The following EFHC2 variants were observed in gnomAD, a reference collection of about 807,000 sequenced individuals.
EFHC2 encodes the protein EF-hand domain-containing family member C2.
EFHC2 carries 18 observed loss-of-function variants against 52.7 expected under a neutral mutation model. That is an observed-to-expected ratio of 0.34 (90% CI 0.24 to 0.51). The LOEUF (loss-of-function observed/expected upper bound fraction) is 0.51. Among genes scored for constraint, EFHC2 ranks in the 20% least tolerant of loss-of-function variants. EFHC2 has a pLI of 0.97. For missense variants in EFHC2, 513 were observed against 562.5 expected (o/e 0.91, Z 0.89); for synonymous variants, 203 against 204.1 (o/e 0.99, Z 0.04).
At chrX:44,325,398 G>C (rs2038045854) in intron 1 of EFHC2, among the ~76,000 whole-genome samples, 1 of 110,572 alleles carries the variant, frequency 9.0e-6, no homozygotes, top group Non-Finnish European at 1.9e-5. Flanking sequence ...TAGATCCTAG[G>C]TCAGTGCTCC....
chrX:44,227,209 T>C (rs2037240154), intron 11 of EFHC2, among the ~76,000 whole-genome samples: 1 of 110,693 alleles, frequency 9.0e-6, no homozygotes, highest in African/African-American at 3.3e-5. Flanking sequence ...CACACACACA[T>C]ACGCATACAT....
At chrX:44,281,028 TC>T (rs1259156429) in intron 2 of EFHC2, among the ~76,000 whole-genome samples, 1 of 111,226 alleles carries the variant, frequency 9.0e-6, no homozygotes, top group African/African-American at 3.3e-5. Context: ...CAAGTGATTC[TC>T]CTGCCTCAGC....
chrX:44,326,467 C>G (rs1162271200), intron 1 of EFHC2, among the ~76,000 whole-genome samples: 4 of 110,598 alleles, frequency 3.6e-5, no homozygotes, highest in African/African-American at 1.3e-4. Context: ...ATTGTATACA[C>G]ATATGGAAAG....
chrX:44,268,184 CT>C (rs1225087217), intron 3 of EFHC2, among the ~76,000 whole-genome samples: 5 of 111,559 alleles, frequency 4.5e-5, no homozygotes, highest in Non-Finnish European at 5.6e-5. Context: ...TTAAAGTTGT[CT>C]TTTACTCAGG....
intron 11 of EFHC2, among the ~76,000 whole-genome samples, chrX:44,219,145 T>TAAAAAA (rs10669527): frequency 0.027 from 2,149 of 79,229 alleles, 105 homozygotes; most frequent in African/African-American, 0.088. Context: ...CACCTATAGT[T>TAAAAAA]AAAAAAAAAA....
intron 2 of EFHC2, among the ~76,000 whole-genome samples, chrX:44,283,417 C>A (rs937031039): frequency 8.1e-5 from 9 of 111,566 alleles, no homozygotes; most frequent in African/African-American, 2.6e-4. Flanking sequence ...CTCCTGACCT[C>A]GTGATCCGCC....
Position 44,229,652 on chromosome X carries a change from A to T in EFHC2, c.1748T>A (p.Phe583Tyr). Residue 583 changes from phenylalanine to tyrosine, a missense_variant, in exon 11 of 15, where the codon TTC (phenylalanine) becomes TAC (tyrosine). Transcript: ENST00000420999. The stretch of plus-strand genomic sequence containing the variant: ...TTGTTAGCAGAATATGGCTTACCTG[A>T]ATGTATTATAATCCACCATATTTGT... ...KHTNMVDYNT[F>Y]RDILMSLTVG... 8.3e-7 allele frequency: 1 copy of T among 1,210,893 alleles called. No homozygotes were observed. The highest frequency in any genetic ancestry group is 1.1e-6 in the Non-Finnish European group (1 of 895,079).
intron 7 of EFHC2, among the ~76,000 whole-genome samples, chrX:44,245,853 A>G (rs1264835860): frequency 9.0e-6 from 1 of 111,488 alleles, no homozygotes; most frequent in Non-Finnish European, 1.9e-5. Flanking sequence ...TTGGGGTGTC[A>G]TTACACAGGA....
At chrX:44,273,118 T>C (rs778716633) in intron 2 of EFHC2, among the ~76,000 whole-genome samples, 2 of 112,920 alleles carry the variant, frequency 1.8e-5, no homozygotes, top group South Asian at 7.3e-4. Flanking sequence ...AACTAGAGTC[T>C]GCCTTTGGGA....
In EFHC2 at chrX:44,259,962, A is replaced by C. The variant is rs1185658137; in HGVS notation, c.606+1113T>G. ...GCAGGAATAGATGAATGATCCTACA[A>C]GTGGCTTTTAAAAAGAGATCAAAAC... On this transcript the variant is annotated intron_variant, in intron 4 of 14. Transcript: ENST00000420999. Among the ~76,000 whole-genome samples, 3 of 112,001 alleles carry C rather than the reference A, an allele frequency of 2.7e-5. No individual in the cohort carries two copies. In the Admixed American group the frequency reaches 2.9e-4, roughly 11 times the overall value.
intron 11 of EFHC2, among the ~76,000 whole-genome samples, chrX:44,191,388 A>G (rs1163751828): frequency 9.0e-6 from 1 of 110,710 alleles, no homozygotes; most frequent in Non-Finnish European, 1.9e-5. Flanking sequence ...GGCGCCCGCC[A>G]CCACACCCAG....
chrX:44,265,190 T>C (rs1228769444), intron 3 of EFHC2, among the ~76,000 whole-genome samples: 1 of 112,271 alleles, frequency 8.9e-6, no homozygotes, highest in African/African-American at 3.2e-5. Flanking sequence ...CCTTAGATCT[T>C]TGCTCATACC....
At chrX:44,190,300 C>T (rs1429274303) in intron 11 of EFHC2, among the ~76,000 whole-genome samples, 1 of 111,655 alleles carries the variant, frequency 9.0e-6, no homozygotes, top group Non-Finnish European at 1.9e-5. Flanking sequence ...TGGTCTGGCC[C>T]TCTCCAGACA....
In EFHC2 at chrX:44,329,839, C is replaced by T. The variant is rs186178278; in HGVS notation, c.42+13708G>A. On this transcript the variant is annotated intron_variant, in intron 1 of 14. Transcript: ENST00000420999. ...CAGGCTGGTCCTGAACTCCTGGCCT[C>T]AAGCAATCCTCCCACCTCAGCCTCC... Among the ~76,000 whole-genome samples the T allele has an allele frequency of 7.8e-3, 856 of 109,546 alleles. 5 individuals carry two copies. Among genetic ancestry groups the T allele is most frequent in the Non-Finnish European group, 0.012 (654 of 52,685 alleles).
chrX:44,258,058 G>C (rs1422564698), intron 4 of EFHC2, among the ~76,000 whole-genome samples: 1 of 111,903 alleles, frequency 8.9e-6, no homozygotes, highest in Non-Finnish European at 1.9e-5. Context: ...TTAATAAATG[G>C]TGTTGGGAAA....
Position 44,250,273 on chromosome X carries a change from A to G in EFHC2, c.779T>C (p.Ile260Thr). 8.3e-7 allele frequency: 1 copy of G among 1,211,181 alleles called. No homozygotes were observed. The highest frequency in any genetic ancestry group is 1.1e-6 in the Non-Finnish European group (1 of 895,164). The change falls in exon 5 of 15, where the codon ATT (isoleucine) becomes ACT (threonine). Residue 260 changes from isoleucine (I) to threonine (T), a missense_variant. Ile to Thr is a moderately conservative substitution (Grantham distance 89). Coordinates refer to ENST00000420999, the MANE Select transcript of EFHC2 (RefSeq NM_025184.4). ...GTGTGGAAGCAATTCTTTGATTTCAATAGTATCATCACACAAGAAGTAATG... is the reference window on the plus strand; with the variant it reads ...GTGTGGAAGCAATTCTTTGATTTCAGTAGTATCATCACACAAGAAGTAATG... ...ILHYFLCDDT[I>T]EIKELLPHSS...
At chrX:44,306,421 C>T (rs2037905756) in intron 2 of EFHC2, among the ~76,000 whole-genome samples, 1 of 111,263 alleles carries the variant, frequency 9.0e-6, no homozygotes, top group African/African-American at 3.3e-5. Flanking sequence ...AACTCTCCCA[C>T]GAGCCCCACC....
intron 3 of EFHC2, among the ~76,000 whole-genome samples, chrX:44,272,045 C>G (rs1416552678): frequency 8.9e-6 from 1 of 112,113 alleles, no homozygotes; most frequent in Non-Finnish European, 1.9e-5. Flanking sequence ...ACAGCACAAA[C>G]AGAAGAAATC....
At chrX:44,310,245 CA>C in intron 2 of EFHC2, 1 of 975,638 alleles carries the variant, frequency 1.0e-6, no homozygotes, top group Non-Finnish European at 1.5e-6. Flanking sequence ...GACAAAGCGG[CA>C]AGGGTTTCCT....
Sources: gnomAD v4.1 joint callset for allele counts (sites outside exome capture counted in the v4.1 genomes callset) on GRCh38, gnomAD v4.1.1 for gene constraint, MANE v1.5 for transcripts, NCBI Gene and HGNC (gene_info 2026-07-23, HGNC 2026-07-21) for gene names.